Variants in IBTK observed in about 807,000 individuals in gnomAD.
The protein encoded by IBTK is BTK-binding protein.
A neutral mutation model predicts 154.9 loss-of-function variants in IBTK; 83 were observed. That is an observed-to-expected ratio of 0.54 (90% CI 0.45 to 0.64). The LOEUF (loss-of-function observed/expected upper bound fraction) is 0.64. Among genes scored for constraint, IBTK ranks in the 30% least tolerant of loss-of-function variants. The pLI is 0.00. For synonymous variants in IBTK, 515 were observed against 536.1 expected, an observed-to-expected ratio of 0.96 and a Z score of 0.54; for missense variants, 1,332 against 1,584.6, an observed-to-expected ratio of 0.84 and a Z score of 2.71.
rs763485617 is a variant in IBTK at position 82,202,515 on chromosome 6, G to A, written c.2729+13C>T. ...CTTTTGCAACAATCTTACAACATAT[G>A]CACCTCACCTACCTTGCTTCAAGTA... On this transcript the variant is annotated intron_variant, in intron 18 of 28. Transcript: ENST00000306270. 4.5e-6 allele frequency: 6 copies of A among 1,337,192 alleles called. No individual in the cohort carries two copies. The highest frequency in any genetic ancestry group is 6.4e-6 in the Non-Finnish European group (6 of 931,524). The allele number at this position is 1,337,192 out of a possible 1,614,324, so 82.8% of individuals were successfully genotyped here.
chr6:82,228,104 A>G (rs914614447), intron 4 of IBTK, among the ~76,000 whole-genome samples: 1 of 152,112 alleles, frequency 6.6e-6, no homozygotes, highest in Non-Finnish European at 1.5e-5. Context: ...AAGCTCTGAT[A>G]TTCATTATAC....
intron 20 of IBTK, 68 bp from the exon 21 acceptor site, chr6:82,200,321 C>A: frequency 9.0e-7 from 1 of 1,109,858 alleles, no homozygotes; most frequent in Non-Finnish European, 1.3e-6. Context: ...ACTTATTTAA[C>A]CCAACATGTT....
chr6:82,205,012 GA>G (rs878894971), intron 16 of IBTK, 54 bp from the exon 17 acceptor site: 83 of 1,106,462 alleles, frequency 7.5e-5, no homozygotes, highest in African/African-American at 2.8e-4. Context: ...ATTATACCTA[GA>G]AAAAAAAATT....
chr6:82,241,541 TCTTATA>T (rs1770953098), intron 1 of IBTK, among the ~76,000 whole-genome samples: 1 of 152,190 alleles, frequency 6.6e-6, no homozygotes, highest in Non-Finnish European at 1.5e-5. Context: ...TTACTTTATA[TCTTATA>T]CCAATATAAA....
At chr6:82,213,578 C>G (rs1337877504) in intron 12 of IBTK, among the ~76,000 whole-genome samples, 1 of 152,098 alleles carries the variant, frequency 6.6e-6, no homozygotes, top group East Asian at 1.9e-4. Context: ...ATCGCTTGAG[C>G]CCAGGAGTTC....
rs1396816440 is a variant in IBTK, at chr6:82,191,157, G to A, written c.3491C>T (p.Thr1164Ile). The A allele has an allele frequency of 1.2e-6, 2 of 1,609,258 alleles. No individual in the cohort carries two copies. Among genetic ancestry groups the A allele is most frequent in the Non-Finnish European group, 1.7e-6 (2 of 1,177,580 alleles). The change falls in exon 25 of 29, where the codon ACT becomes ATT. Residue 1164 changes from threonine to isoleucine, a missense_variant. This residue lies in a region of IBTK where 1,134 missense variants were observed against 1,274.7 expected (regional missense o/e 0.89). Transcript: ENST00000306270. Reference sequence around the variant, plus strand: ...CATTCCTGAATTGTTTTCCTTGGTAGTCAATGCAATCATTTTTCGTTGCTT... The same window carrying A: ...CATTCCTGAATTGTTTTCCTTGGTAATCAATGCAATCATTTTTCGTTGCTT... ...SQKQRKMIALTTKENNSGMNS... is the reference protein window; with the variant it reads ...SQKQRKMIALITKENNSGMNS...
intron 23 of IBTK, among the ~76,000 whole-genome samples, chr6:82,192,684 T>C (rs923006545): frequency 2.0e-5 from 3 of 149,446 alleles, no homozygotes; most frequent in Non-Finnish European, 3.0e-5. Context: ...GAGGCAGAGG[T>C]TGCAGTGAGC....
Position 82,227,181 on chromosome 6 carries a change from A to G in IBTK, c.654+11T>C. The G allele has an allele frequency of 6.4e-7, 1 of 1,562,998 alleles. No homozygotes were observed. The highest frequency in any genetic ancestry group is 8.8e-7 in the Non-Finnish European group (1 of 1,137,170). On this transcript the variant is annotated intron_variant, in intron 5 of 28. Transcript: ENST00000306270. The stretch of plus-strand genomic sequence containing the variant: ...AAAGTTACCTAAATAGTGTAATGAC[A>G]TTTCAATTACCAAGCATGTCTGTTC...
chr6:82,197,565 G>A (rs913991709), intron 21 of IBTK, among the ~76,000 whole-genome samples: 9 of 151,922 alleles, frequency 5.9e-5, no homozygotes, highest in South Asian at 2.1e-4. Flanking sequence ...TAGAGACAGC[G>A]TTTCACCATA....
At chr6:82,187,130 G>T (rs1768584792) in intron 25 of IBTK, among the ~76,000 whole-genome samples, 2 of 151,810 alleles carry the variant, frequency 1.3e-5, no homozygotes, top group Non-Finnish European at 2.9e-5. Flanking sequence ...TGGCCAGGCT[G>T]GTCTCAAACT....
chr6:82,173,294 A>G, intron 27 of IBTK, 73 bp downstream of exon 27: 2 of 1,076,500 alleles, frequency 1.9e-6, no homozygotes, highest in South Asian at 1.3e-5. Flanking sequence ...GAGCCACTGC[A>G]CTCAGCCTTA....
chr6:82,212,793 C>T lies in IBTK; in HGVS notation c.2205G>A (p.Arg735=). ...KKFDFSNLSS[R]LDGVRFENEK... The stretch of plus-strand genomic sequence containing the variant: ...CATTTTCAAATCTGACTCCATCTAA[C>T]CTATCAAGGATAGATAAAAATTAAC... The change falls in exon 13 of 29, where the codon AGG becomes AGA. Residue 735 remains arginine, a splice_region_variant and synonymous_variant. Transcript: ENST00000306270. 2 of 1,526,604 alleles carry T rather than the reference C, an allele frequency of 1.3e-6. No homozygotes were observed. The highest frequency in any genetic ancestry group is 9.1e-7 in the Non-Finnish European group (1 of 1,101,580). The allele number at this position is 1,526,604 out of a possible 1,614,324, so 94.6% of individuals were successfully genotyped here. A position where few individuals can be genotyped will look rare whatever the true frequency, so the allele number is the denominator to read the frequency against.
At chr6:82,223,758 A>C in intron 7 of IBTK, 138 bp from the exon 8 acceptor site, 1 of 673,804 alleles carries the variant, frequency 1.5e-6, no homozygotes, top group Non-Finnish European at 2.5e-6. Context: ...CTGGAGCTCG[A>C]GACCAGCCTG....
At chr6:82,187,453 T>C (rs1450582683) in intron 25 of IBTK, among the ~76,000 whole-genome samples, 1 of 152,178 alleles carries the variant, frequency 6.6e-6, no homozygotes, top group African/African-American at 2.4e-5. Context: ...CTTGAATACC[T>C]TCCTCTGAAA....
intron 16 of IBTK, chr6:82,205,563 T>C (rs1769374515): frequency 6.6e-6 from 1 of 151,634 alleles, no homozygotes; most frequent in Admixed American, 6.6e-5. Context: ...AGACCAGGAG[T>C]TTGAGACCAG....
chr6:82,177,930 C>T (rs1268649628), intron 26 of IBTK, among the ~76,000 whole-genome samples: 3 of 152,190 alleles, frequency 2.0e-5, no homozygotes, highest in Non-Finnish European at 4.4e-5. Context: ...ATTTCAGACA[C>T]ATTAAAGGCT....
chr6:82,241,623 ACT>A (rs1562111626), intron 1 of IBTK, among the ~76,000 whole-genome samples: 4 of 152,256 alleles, frequency 2.6e-5, no homozygotes, highest in African/African-American at 7.2e-5. Flanking sequence ...AATACAAAAG[ACT>A]CTTTTTTTAT....
At position 82,247,670 on chromosome 6, in the gene IBTK, G is replaced by T; in HGVS notation, c.-466C>A. ...AGAGAAACCGAACGGCGCCAGAGGG[G>T]CCAGTCCCCAGACCCGGGTCAGTTC... On this transcript the variant is annotated 5_prime_UTR_variant, in exon 1 of 29. Coordinates refer to ENST00000306270, the MANE Select transcript of IBTK (RefSeq NM_015525.4). 2 of 398,898 alleles carry T rather than the reference G, an allele frequency of 5.0e-6. No individual in the cohort carries two copies. Among genetic ancestry groups the T allele is most frequent in the Non-Finnish European group, 8.8e-6 (2 of 226,284 alleles). The allele number at this position is 398,898 out of a possible 1,614,324, so 24.7% of individuals were successfully genotyped here.
intron 23 of IBTK, 130 bp downstream of exon 23, chr6:82,194,349 T>C (rs1768900066): frequency 2.7e-6 from 2 of 738,452 alleles, no homozygotes; most frequent in East Asian, 3.1e-5. Context: ...TGTAGGTATT[T>C]AGGCAATTTT....
Sources: gnomAD v4.1 joint callset for allele counts (sites outside exome capture counted in the v4.1 genomes callset) on GRCh38, gnomAD v4.1.1 for gene constraint, gnomAD v4.1.1 regional missense constraint, MANE v1.5 for transcripts, NCBI Gene and HGNC (gene_info 2026-07-23, HGNC 2026-07-21) for gene names.